The following AFF2 variants were observed in gnomAD, a reference collection of about 807,000 sequenced individuals.
The protein encoded by AFF2 is ALF transcription elongation factor 2.
In AFF2, 14 loss-of-function variants were observed where a neutral mutation model predicts 76.9. That is an observed-to-expected ratio of 0.18 (90% CI 0.12 to 0.28). The LOEUF (loss-of-function observed/expected upper bound fraction) is 0.28. AFF2 is among the 10% of genes least tolerant of loss of function. The pLI, the probability that AFF2 is intolerant of heterozygous loss-of-function variation, is 1.00. For synonymous variants in AFF2, 398 were observed against 366.7 expected, an observed-to-expected ratio of 1.09 and a Z score of -0.98; for missense variants, 868 against 1,001.1, an observed-to-expected ratio of 0.87 and a Z score of 1.79.
chrX:148,902,514 A>G (rs781999647), intron 8 of AFF2, among the ~76,000 whole-genome samples: 2 of 111,998 alleles, frequency 1.8e-5, no homozygotes, highest in Non-Finnish European at 3.8e-5. Context: ...GTATGTACAG[A>G]CTGGGTCCTG....
chrX:148,581,692 A>T, intron 1 of AFF2, among the ~76,000 whole-genome samples: 1 of 111,979 alleles, frequency 8.9e-6, no homozygotes, highest in Non-Finnish European at 1.9e-5. Context: ...GTATACGTAT[A>T]TGTATACACA....
chrX:148,750,955 C>G (rs1402717627), intron 3 of AFF2, among the ~76,000 whole-genome samples: 1 of 111,700 alleles, frequency 9.0e-6, no homozygotes, highest in Non-Finnish European at 1.9e-5. Context: ...CTGTAGATAT[C>G]CATATATCAT....
intron 1 of AFF2, among the ~76,000 whole-genome samples, chrX:148,549,053 G>T (rs943739465): frequency 1.8e-5 from 2 of 112,073 alleles, no homozygotes; most frequent in African/African-American, 6.5e-5. Flanking sequence ...CATCAGATTT[G>T]TTCTCATAAT....
intron 1 of AFF2, among the ~76,000 whole-genome samples, chrX:148,590,224 T>C (rs187244898): frequency 2.7e-5 from 3 of 109,179 alleles, no homozygotes; most frequent in East Asian, 5.8e-4. Flanking sequence ...TGACAGCCAT[T>C]GGCTGTTAGA....
intron 1 of AFF2, among the ~76,000 whole-genome samples, chrX:148,651,015 T>C (rs2054197779): frequency 1.8e-5 from 2 of 112,180 alleles, no homozygotes; most frequent in African/African-American, 6.5e-5. Flanking sequence ...GTATATATAC[T>C]CACTTTGGGT....
intron 3 of AFF2, among the ~76,000 whole-genome samples, chrX:148,706,880 T>C (rs192390833): frequency 8.9e-6 from 1 of 112,593 alleles, no homozygotes; most frequent in East Asian, 2.8e-4. Context: ...AGGATAGATA[T>C]CATTCTTTCA....
At chrX:148,759,260 T>A (rs1369483750) in intron 3 of AFF2, among the ~76,000 whole-genome samples, 1 of 112,184 alleles carries the variant, frequency 8.9e-6, no homozygotes, top group Non-Finnish European at 1.9e-5. Context: ...AAAGCTGCAT[T>A]TCTGTGGGAA....
chrX:148,777,445 G>C (rs1173743062), intron 3 of AFF2, among the ~76,000 whole-genome samples: 2 of 111,851 alleles, frequency 1.8e-5, no homozygotes, highest in East Asian at 5.6e-4. Context: ...ATTACTTTGG[G>C]CAGTATGGCC....
At chrX:148,523,307 C>T (rs2052621033) in intron 1 of AFF2, among the ~76,000 whole-genome samples, 1 of 112,029 alleles carries the variant, frequency 8.9e-6, no homozygotes, top group Admixed American at 9.5e-5. Context: ...AAAACATATA[C>T]ATGTACATAT....
chrX:148,680,659 C>T (rs1189126583), intron 3 of AFF2, among the ~76,000 whole-genome samples: 1 of 111,866 alleles, frequency 8.9e-6, no homozygotes, highest in Non-Finnish European at 1.9e-5. Flanking sequence ...AAGAAACTTA[C>T]ATCTAGCAGG....
intron 9 of AFF2, among the ~76,000 whole-genome samples, chrX:148,915,119 T>G (rs1438885570): frequency 8.9e-6 from 1 of 112,458 alleles, no homozygotes; most frequent in Non-Finnish European, 1.9e-5. Context: ...AGTATCTGCT[T>G]TCTTAAAGCT....
chrX:148,880,503 G>C (rs1557278354), intron 7 of AFF2, among the ~76,000 whole-genome samples: 1 of 111,724 alleles, frequency 9.0e-6, no homozygotes, highest in African/African-American at 3.3e-5. Flanking sequence ...AGGGACCAGA[G>C]TAAGACTCTG....
At chrX:148,852,141 G>A (rs1258102258) in intron 7 of AFF2, among the ~76,000 whole-genome samples, 1 of 111,304 alleles carries the variant, frequency 9.0e-6, no homozygotes, top group Admixed American at 9.6e-5. Context: ...GGGCATTTAG[G>A]TTGATTCCAT....
chrX:148,727,016 G>A (rs1401339069), intron 3 of AFF2, among the ~76,000 whole-genome samples: 8 of 111,788 alleles, frequency 7.2e-5, no homozygotes, highest in African/African-American at 2.6e-4. Context: ...TTTCTGAAAG[G>A]CGGAAGCAAT....
At chrX:148,614,703 TTC>T (rs2053769123) in intron 1 of AFF2, among the ~76,000 whole-genome samples, 1 of 48,065 alleles carries the variant, frequency 2.1e-5, no homozygotes, top group Non-Finnish European at 3.7e-5. Context: ...TTTTCTTTCT[TTC>T]TTTCTTTCTT....
intron 3 of AFF2, among the ~76,000 whole-genome samples, chrX:148,757,035 C>T (rs1259235767): frequency 8.9e-6 from 1 of 112,115 alleles, no homozygotes; most frequent in Non-Finnish European, 1.9e-5. Flanking sequence ...AATTTAAATT[C>T]ATTCTGATAT....
At chrX:148,590,270 A>C (rs1557246446) in intron 1 of AFF2, among the ~76,000 whole-genome samples, 1 of 110,279 alleles carries the variant, frequency 9.1e-6, no homozygotes, top group African/African-American at 3.3e-5. Flanking sequence ...ATATGTAATT[A>C]TCTCTTCTCT....
chrX:148,947,393 C>T, intron 9 of AFF2, among the ~76,000 whole-genome samples: 1 of 112,277 alleles, frequency 8.9e-6, no homozygotes, highest in Middle Eastern at 4.6e-3. Flanking sequence ...AGGGAAGCTG[C>T]TGGGGACATA....
chrX:148,791,203 TG>T (rs2069889629), intron 3 of AFF2, among the ~76,000 whole-genome samples: 1 of 111,918 alleles, frequency 8.9e-6, no homozygotes. Context: ...TACCCCAAAC[TG>T]GGTAATTTAT....
Sources: allele counts gnomAD v4.1 joint callset (sites outside exome capture counted in the v4.1 genomes callset), GRCh38; gene constraint gnomAD v4.1.1; transcripts MANE v1.5; gene names NCBI Gene and HGNC (gene_info 2026-07-23, HGNC 2026-07-21).